Variants in C8orf34 observed in about 807,000 individuals in gnomAD.
C8orf34 encodes the protein chromosome 8 open reading frame 34.
Under a neutral mutation model 68.3 loss-of-function variants are expected in C8orf34, and 65 were observed. The ratio of observed to expected loss-of-function variants is 0.95; its 90% CI spans 0.78 to 1.17. The LOEUF (loss-of-function observed/expected upper bound fraction) is 1.17, where lower values mean the gene tolerates loss of function less well. C8orf34 is among the 50% of genes most tolerant of loss of function. The probability of loss-of-function intolerance (pLI) is 0.00; values close to 1 mark genes in which losing one functional copy is unlikely to be tolerated. For synonymous variants in C8orf34, 244 were observed against 241.2 expected (o/e 1.01, Z -0.11); for missense variants, 664 against 655.4 (o/e 1.01, Z -0.14).
intron 7 of C8orf34, among the ~76,000 whole-genome samples, chr8:68,611,545 A>T (rs1234210201): frequency 6.6e-6 from 1 of 152,178 alleles, no homozygotes; most frequent in African/African-American, 2.4e-5. Flanking sequence ...AATACACAGC[A>T]TTATTTAAGT....
At chr8:68,775,711 T>TC (rs1823496593) in intron 10 of C8orf34, among the ~76,000 whole-genome samples, 1 of 152,208 alleles carries the variant, frequency 6.6e-6, no homozygotes, top group Non-Finnish European at 1.5e-5. Flanking sequence ...TTCCTTAGCC[T>TC]AATTATGAGA....
chr8:68,516,942 C>G (rs1814544841), intron 5 of C8orf34, among the ~76,000 whole-genome samples: 1 of 151,926 alleles, frequency 6.6e-6, no homozygotes, highest in South Asian at 2.1e-4. Context: ...ACCCTGCCTG[C>G]TTTTCTTATT....
chr8:68,463,975 T>C (rs1811981712), intron 3 of C8orf34, among the ~76,000 whole-genome samples: 1 of 152,136 alleles, frequency 6.6e-6, no homozygotes, highest in South Asian at 2.1e-4. Context: ...TAAAGGGTAT[T>C]CAATTAGGAA....
intron 7 of C8orf34, among the ~76,000 whole-genome samples, chr8:68,588,490 A>T (rs530712354): frequency 1.4e-4 from 22 of 152,232 alleles, no homozygotes; most frequent in Non-Finnish European, 2.9e-4. Flanking sequence ...ATTTAATGTC[A>T]TGGAGATGTA....
At chr8:68,464,869 C>A (rs907511562) in intron 3 of C8orf34, among the ~76,000 whole-genome samples, 4 of 152,030 alleles carry the variant, frequency 2.6e-5, no homozygotes, top group Non-Finnish European at 4.4e-5. Context: ...CTAGGCAATA[C>A]CATTCAGGAC....
intron 1 of C8orf34, among the ~76,000 whole-genome samples, chr8:68,357,810 A>G (rs1369597005): frequency 6.6e-6 from 1 of 152,174 alleles, no homozygotes; most frequent in Admixed American, 6.5e-5. Context: ...CACTTATGAG[A>G]ACTACTGCAT....
At chr8:68,657,140 G>A (rs932535711) in intron 8 of C8orf34, among the ~76,000 whole-genome samples, 1 of 152,046 alleles carries the variant, frequency 6.6e-6, no homozygotes, top group Non-Finnish European at 1.5e-5. Context: ...ATTCTGCCTG[G>A]AAGGACTTCT....
chr8:68,761,021 A>C (rs1823009463), intron 10 of C8orf34, among the ~76,000 whole-genome samples: 1 of 152,224 alleles, frequency 6.6e-6, no homozygotes, highest in Admixed American at 6.5e-5. Context: ...TATTGAGAGT[A>C]GCAGTACATA....
In C8orf34 at chr8:68,801,651, CTA is replaced by C. The variant is rs544258974; in HGVS notation, c.1549+14118_1549+14119del. Among the ~76,000 whole-genome samples, 1,028 of 152,260 alleles carry C rather than the reference CTA, an allele frequency of 6.8e-3. 7 individuals are homozygous for C. Among genetic ancestry groups the C allele is most frequent in the Non-Finnish European group, 0.012 (799 of 68,018 alleles). On this transcript the variant is annotated intron_variant, in intron 12 of 13. Transcript: ENST00000518698. ...CAGCAGCTTCTTTCACAAATATACT[CTA>C]TAGTGTTGATAGGATTAAGTCCACA...
intron 1 of C8orf34, among the ~76,000 whole-genome samples, chr8:68,360,989 A>T (rs1806969857): frequency 6.6e-6 from 1 of 151,952 alleles, no homozygotes; most frequent in African/African-American, 2.4e-5. Context: ...TCCTGACCTC[A>T]GGTCATCCAC....
rs1818949118 is a variant in C8orf34, at chr8:68,639,741, G to A, written c.1106-635G>A. ...AGAAAATTTAGTTCTTTTCATTCTT[G>A]ATTAAGGACCTGGGAAAAATAGAAG... On this transcript the variant is annotated intron_variant, in intron 7 of 13. Coordinates refer to ENST00000518698, the MANE Select transcript of C8orf34 (RefSeq NM_052958.4). Among the ~76,000 whole-genome samples, 4 of 152,214 alleles carry A rather than the reference G, an allele frequency of 2.6e-5. 1 individual carries two copies. The South Asian group carries it at 8.3e-4, about 32-fold the overall frequency.
chr8:68,800,059 C>T (rs1196462575), intron 12 of C8orf34, among the ~76,000 whole-genome samples: 1 of 152,008 alleles, frequency 6.6e-6, no homozygotes, highest in Non-Finnish European at 1.5e-5. Context: ...AGGAAATATG[C>T]CTGGAAAACT....
chr8:68,358,647 G>A (rs1213830629), intron 1 of C8orf34, among the ~76,000 whole-genome samples: 1 of 151,706 alleles, frequency 6.6e-6, no homozygotes, highest in Non-Finnish European at 1.5e-5. Flanking sequence ...TCTACAATTG[G>A]CAATTTATTC....
chr8:68,371,763 C>T (rs1157869707), intron 1 of C8orf34, among the ~76,000 whole-genome samples: 1 of 152,062 alleles, frequency 6.6e-6, no homozygotes, highest in Non-Finnish European at 1.5e-5. Context: ...CCACACCCAG[C>T]TAATTTTTGT....
chr8:68,421,169 C>G (rs1809953516), intron 1 of C8orf34, among the ~76,000 whole-genome samples: 1 of 152,112 alleles, frequency 6.6e-6, no homozygotes, highest in Non-Finnish European at 1.5e-5. Flanking sequence ...AACAAGATGG[C>G]ATAGACTCAC....
At chr8:68,710,501 T>G (rs1821301317) in intron 9 of C8orf34, among the ~76,000 whole-genome samples, 1 of 152,126 alleles carries the variant, frequency 6.6e-6, no homozygotes, top group Non-Finnish European at 1.5e-5. Context: ...ATCCTGTGAC[T>G]GCTGGCTTTC....
At chr8:68,444,974 C>T (rs1261408325) in intron 2 of C8orf34, among the ~76,000 whole-genome samples, 2 of 152,108 alleles carry the variant, frequency 1.3e-5, no homozygotes, top group Non-Finnish European at 2.9e-5. Flanking sequence ...TGTAAAACAA[C>T]ATAAGGAGAT....
At chr8:68,703,054 T>C (rs1368720635) in intron 8 of C8orf34, among the ~76,000 whole-genome samples, 1 of 152,174 alleles carries the variant, frequency 6.6e-6, no homozygotes, top group Non-Finnish European at 1.5e-5. Flanking sequence ...ATCCCCTTAA[T>C]GAGCTCTGAC....
rs192205234 is a variant in C8orf34 at position 68,469,989 on chromosome 8, C to T, written c.736+1169C>T. ...GTACAGCTTTAGTTTTTTCACAGCT[C>T]TTCATTAGACCCTTCTATATTTTTG... is the stretch of plus-strand genomic sequence containing the variant. On this transcript the variant is annotated intron_variant, in intron 4 of 13. Transcript: ENST00000518698. Among the ~76,000 whole-genome samples the T allele has an allele frequency of 4.3e-3, 648 of 151,132 alleles. 5 individuals carry two copies. Among genetic ancestry groups the T allele is most frequent in the African/African-American group, 0.015 (626 of 41,266 alleles).
Sources: allele counts gnomAD v4.1 joint callset (sites outside exome capture counted in the v4.1 genomes callset), GRCh38; gene constraint gnomAD v4.1.1; transcripts MANE v1.5; gene names NCBI Gene and HGNC (gene_info 2026-07-23, HGNC 2026-07-21).